The following PSMG2 variants were observed in gnomAD, a reference collection of about 807,000 sequenced individuals.
The protein encoded by PSMG2 is proteasome assembly chaperone 2.
Under a neutral mutation model 31.5 loss-of-function variants are expected in PSMG2, and 21 were observed. That is an observed-to-expected ratio of 0.67 (90% CI 0.47 to 0.96). The LOEUF is 0.96. PSMG2 is among the 40% of genes least tolerant of loss of function. The pLI, the probability that PSMG2 is intolerant of heterozygous loss-of-function variation, is 0.00. For synonymous variants in PSMG2, 120 were observed against 110.4 expected (o/e 1.09, Z -0.54); for missense variants, 318 against 321.2 (o/e 0.99, Z 0.08).
rs376923503 is a variant in PSMG2, at chr18:12,668,470, G to A, written c.-37+9697G>A. Among the ~76,000 whole-genome samples the A allele has an allele frequency of 1.5e-3, 229 of 151,176 alleles. 1 individual carries two copies. The highest frequency in any genetic ancestry group is 5.2e-3 in the African/African-American group (214 of 41,276). ...ACAAAAATTAGCTGGGCATAGTGGTGTGCACCTGTGGTCCCAGCTATGGAG... is the reference window on the plus strand; with the variant it reads ...ACAAAAATTAGCTGGGCATAGTGGTATGCACCTGTGGTCCCAGCTATGGAG... On this transcript the variant is annotated intron_variant, in intron 1 of 6. Transcript: ENST00000585331.
At chr18:12,711,015 G>A (rs1473879019) in intron 2 of PSMG2, among the ~76,000 whole-genome samples, 2 of 152,060 alleles carry the variant, frequency 1.3e-5, no homozygotes, top group Non-Finnish European at 2.9e-5. Context: ...CAGGAGAATC[G>A]CTTGAACCCA....
At chr18:12,706,764 G>A (rs2040273390) in intron 2 of PSMG2, 43 bp downstream of exon 2, 1 of 1,534,604 alleles carries the variant, frequency 6.5e-7, no homozygotes, top group Non-Finnish European at 8.8e-7. Flanking sequence ...ACAAAGTAGA[G>A]TTGTTTTAAA....
At chr18:12,700,996 T>C (rs750879629), upstream of PSMG2, 7 of 1,613,180 alleles carry the variant, frequency 4.3e-6, no homozygotes, top group Non-Finnish European at 5.9e-6. Context: ...TCGTCAATGA[T>C]TCCTCGACGT....
At chr18:12,700,929 C>CT (rs918002190), upstream of PSMG2, 6 of 1,580,236 alleles carry the variant, frequency 3.8e-6, no homozygotes, top group African/African-American at 8.1e-5. Flanking sequence ...CATATATACT[C>CT]TCATTTATTT....
intron 2 of PSMG2, among the ~76,000 whole-genome samples, chr18:12,709,694 T>C (rs2040309370): frequency 6.6e-6 from 1 of 151,686 alleles, no homozygotes; most frequent in Admixed American, 6.6e-5. Context: ...GAGATGAGGT[T>C]TCACCATGCA....
At chr18:12,711,578 C>T (rs1598682212) in intron 2 of PSMG2, among the ~76,000 whole-genome samples, 2 of 152,094 alleles carry the variant, frequency 1.3e-5, no homozygotes, top group African/African-American at 2.4e-5. Context: ...CACCACATCA[C>T]GCCAGCCATA....
chr18:12,701,785 T>C (rs1284847133), upstream of PSMG2, among the ~76,000 whole-genome samples: 2 of 152,200 alleles, frequency 1.3e-5, no homozygotes, highest in South Asian at 2.1e-4. Flanking sequence ...GAATTGCTGA[T>C]TGAAGCTCCT....
chr18:12,692,495 G>C (rs2039804763), intron 1 of PSMG2, among the ~76,000 whole-genome samples: 1 of 152,002 alleles, frequency 6.6e-6, no homozygotes. Context: ...TTTTGTTCTA[G>C]GCTGTTCCCA....
At chr18:12,702,918 GC>G (rs2040207662), upstream of PSMG2, 4 of 625,134 alleles carry the variant, frequency 6.4e-6, no homozygotes, top group African/African-American at 1.9e-5. Flanking sequence ...CCTCTTCGCG[GC>G]CACCCGGCGG....
At chr18:12,693,824 A>G (rs1014248611) in intron 1 of PSMG2, among the ~76,000 whole-genome samples, 1 of 152,108 alleles carries the variant, frequency 6.6e-6, no homozygotes, top group Non-Finnish European at 1.5e-5. Context: ...CACATAATGT[A>G]TATGTGTGTA....
At chr18:12,709,059 G>A (rs1302573689) in intron 2 of PSMG2, among the ~76,000 whole-genome samples, 3 of 144,964 alleles carry the variant, frequency 2.1e-5, no homozygotes, top group Non-Finnish European at 4.5e-5. Flanking sequence ...TATTTTGGGT[G>A]TTTTTTGAGA....
At chr18:12,683,393 T>TA (rs531562261) in intron 1 of PSMG2, among the ~76,000 whole-genome samples, 149 of 138,118 alleles carry the variant, frequency 1.1e-3, no homozygotes, top group African/African-American at 3.2e-3. Flanking sequence ...AACCACTGAA[T>TA]AAAAAAAAAA....
intron 5 of PSMG2, among the ~76,000 whole-genome samples, 168 bp downstream of exon 5, chr18:12,720,851 A>G (rs1190476164): frequency 6.6e-6 from 1 of 151,918 alleles, no homozygotes; most frequent in African/African-American, 2.4e-5. Flanking sequence ...AATGTATTGG[A>G]TTACTTACTG....
intron 1 of PSMG2, among the ~76,000 whole-genome samples, chr18:12,689,794 G>A (rs752813469): frequency 4.6e-5 from 7 of 151,702 alleles, no homozygotes; most frequent in Admixed American, 1.3e-4. Flanking sequence ...ATTTTTTGTC[G>A]TTGTTATTGT....
At chr18:12,670,570 C>G (rs1161519904) in intron 1 of PSMG2, 1 of 152,148 alleles carries the variant, frequency 6.6e-6, no homozygotes, top group Non-Finnish European at 1.5e-5. Flanking sequence ...TTAGTACATA[C>G]CTCATAGTTT....
intron 1 of PSMG2, among the ~76,000 whole-genome samples, chr18:12,680,227 A>T (rs1278344909): frequency 6.6e-6 from 1 of 152,116 alleles, no homozygotes; most frequent in Non-Finnish European, 1.5e-5. Flanking sequence ...ATCACTGAAA[A>T]GGCTCTAACT....
At chr18:12,673,755 T>C (rs928006089) in intron 1 of PSMG2, among the ~76,000 whole-genome samples, 7 of 151,892 alleles carry the variant, frequency 4.6e-5, no homozygotes, top group African/African-American at 1.7e-4. Context: ...GTGGCGGGCG[T>C]CTGTAATCCC....
intron 1 of PSMG2, among the ~76,000 whole-genome samples, chr18:12,691,695 T>C (rs1402727447): frequency 6.7e-6 from 1 of 150,354 alleles, no homozygotes; most frequent in Non-Finnish European, 1.5e-5. Flanking sequence ...CACCTTTTTT[T>C]CCTCAAAGAC....
intron 1 of PSMG2, among the ~76,000 whole-genome samples, chr18:12,689,111 C>T (rs1194931707): frequency 6.6e-6 from 1 of 151,964 alleles, no homozygotes; most frequent in Non-Finnish European, 1.5e-5. Flanking sequence ...CTCTGTCTCA[C>T]AACAACAACA....
Sources: allele counts gnomAD v4.1 joint callset (sites outside exome capture counted in the v4.1 genomes callset), GRCh38; gene constraint gnomAD v4.1.1; transcripts MANE v1.5; gene names NCBI Gene and HGNC (gene_info 2026-07-23, HGNC 2026-07-21).